Variants in RBFOX1 observed in about 807,000 individuals in gnomAD.
The protein encoded by RBFOX1 is RNA binding fox-1 homolog 1.
In RBFOX1, 8 loss-of-function variants were observed where a neutral mutation model predicts 57.7. That is an observed-to-expected ratio of 0.14 (90% CI 0.08 to 0.25). The LOEUF is 0.25. Ranked by LOEUF, RBFOX1 falls within the 10% of genes least tolerant of loss-of-function variation. RBFOX1 has a pLI of 1.00. For synonymous variants in RBFOX1, 326 were observed against 222.4 expected, an observed-to-expected ratio of 1.47 and a Z score of -4.15; for missense variants, 611 against 548.5, an observed-to-expected ratio of 1.11 and a Z score of -1.14.
At chr16:6,968,700 A>G (rs1371345437) in intron 3 of RBFOX1, among the ~76,000 whole-genome samples, 1 of 151,988 alleles carries the variant, frequency 6.6e-6, no homozygotes, top group African/African-American at 2.4e-5. Flanking sequence ...GAGTACACAT[A>G]CTAACTCCTG....
At chr16:7,040,934 G>T (rs1181741333) in intron 3 of RBFOX1, among the ~76,000 whole-genome samples, 1 of 151,468 alleles carries the variant, frequency 6.6e-6, no homozygotes, top group Non-Finnish European at 1.5e-5. Flanking sequence ...TTGCTGGGGG[G>T]GGAAGGAGTC....
intron 3 of RBFOX1, among the ~76,000 whole-genome samples, chr16:6,963,908 C>T (rs919633211): frequency 2.0e-5 from 3 of 152,106 alleles, no homozygotes; most frequent in Non-Finnish European, 4.4e-5. Context: ...CTGTGTTAGC[C>T]AAGACGGTGT....
chr16:6,991,254 C>T (rs1197787059), intron 3 of RBFOX1, among the ~76,000 whole-genome samples: 1 of 151,356 alleles, frequency 6.6e-6, no homozygotes, highest in Non-Finnish European at 1.5e-5. Flanking sequence ...GAGTTGAGAC[C>T]ATGCCACGTC....
chr16:6,647,470 G>A (rs1250933121), intron 2 of RBFOX1, among the ~76,000 whole-genome samples: 1 of 152,040 alleles, frequency 6.6e-6, no homozygotes, highest in Non-Finnish European at 1.5e-5. Context: ...TTGGTCTTGA[G>A]CCCCTGCCCT....
At chr16:6,751,652 T>C (rs2074948678) in intron 3 of RBFOX1, among the ~76,000 whole-genome samples, 1 of 152,144 alleles carries the variant, frequency 6.6e-6, no homozygotes, top group Non-Finnish European at 1.5e-5. Flanking sequence ...GCCAGTAACA[T>C]TGATTTATTT....
At chr16:6,558,184 G>A (rs2097131252) in intron 2 of RBFOX1, among the ~76,000 whole-genome samples, 1 of 152,174 alleles carries the variant, frequency 6.6e-6, no homozygotes, top group African/African-American at 2.4e-5. Context: ...TAGAGCTGGA[G>A]CGTAACGTGC....
intron 4 of RBFOX1, among the ~76,000 whole-genome samples, chr16:7,466,314 A>C (rs73500324): frequency 0.043 from 6,132 of 142,232 alleles, 399 homozygotes; most frequent in African/African-American, 0.15. Context: ...TTTAATAGAG[A>C]TAATAAAGGT....
chr16:7,302,015 C>T (rs941043361), intron 4 of RBFOX1, among the ~76,000 whole-genome samples: 5 of 152,130 alleles, frequency 3.3e-5, no homozygotes, highest in Non-Finnish European at 7.4e-5. Flanking sequence ...TCTGATGCAA[C>T]GTACAGCAAA....
chr16:5,632,094 G>A (rs966032405), intron 3 of RBFOX1, among the ~76,000 whole-genome samples: 2 of 152,172 alleles, frequency 1.3e-5, no homozygotes, highest in African/African-American at 4.8e-5. Context: ...CCAGAGGAAG[G>A]GCATCTGTGT....
rs11863522 is a variant in RBFOX1, at chr16:5,750,732, G to T, written c.319-116571G>T. 4.6e-3 allele frequency among the ~76,000 whole-genome samples: 697 copies of T among 152,278 alleles called. 6 individuals carry two copies. Among genetic ancestry groups the T allele is most frequent in the African/African-American group, 0.016 (659 of 41,550 alleles). ...GTTGGAAAAGTGCAGTATTAGGGTG[G>T]GAGTGACCCAATTTTCCAGGTGCCG... On this transcript the variant is annotated intron_variant, in intron 3 of 19. Transcript: ENST00000641259.
intron 1 of RBFOX1, among the ~76,000 whole-genome samples, chr16:6,123,287 G>A (rs2096565397): frequency 6.6e-6 from 1 of 152,174 alleles, no homozygotes; most frequent in African/African-American, 2.4e-5. Flanking sequence ...TAAATAAGAT[G>A]TGGTACATAT....
intron 2 of RBFOX1, among the ~76,000 whole-genome samples, chr16:5,577,732 T>C (rs1029280587): frequency 6.6e-6 from 1 of 152,126 alleles, no homozygotes; most frequent in Non-Finnish European, 1.5e-5. Context: ...TGTGCCATGA[T>C]CAAACACGTT....
At chr16:5,507,472 G>C (rs147678913) in intron 2 of RBFOX1, among the ~76,000 whole-genome samples, 33 of 152,250 alleles carry the variant, frequency 2.2e-4, no homozygotes, top group African/African-American at 7.5e-4. Context: ...AGAGCAGGCA[G>C]CTTCCCAGTG....
chr16:7,507,862 C>T (rs530704714), intron 4 of RBFOX1, among the ~76,000 whole-genome samples: 67 of 151,892 alleles, frequency 4.4e-4, no homozygotes, highest in African/African-American at 1.5e-3. Context: ...GGCGCCCGGC[C>T]GGAATCTGTT....
At chr16:6,020,076 G>A in intron 1 of RBFOX1, 84 bp downstream of exon 1, 1 of 1,330,476 alleles carries the variant, frequency 7.5e-7, no homozygotes. Flanking sequence ...GGAAGCGCTA[G>A]GTCCCCGAGA....
chr16:5,668,145 G>T (rs2049905608), intron 3 of RBFOX1, among the ~76,000 whole-genome samples: 1 of 152,112 alleles, frequency 6.6e-6, no homozygotes, highest in Admixed American at 6.6e-5. Flanking sequence ...GCTAGGCATG[G>T]TGGCATGTGC....
At chr16:6,942,937 T>C (rs1255878291) in intron 3 of RBFOX1, among the ~76,000 whole-genome samples, 1 of 152,152 alleles carries the variant, frequency 6.6e-6, no homozygotes, top group Non-Finnish European at 1.5e-5. Flanking sequence ...GCATTGGAGA[T>C]TCGACATCAC....
At chr16:6,792,954 G>A (rs866799736) in intron 3 of RBFOX1, among the ~76,000 whole-genome samples, 11 of 151,704 alleles carry the variant, frequency 7.3e-5, no homozygotes, top group East Asian at 3.9e-4. Context: ...GCTTGAACCC[G>A]TGAGGCAGAG....
At chr16:6,829,851 C>G (rs1312269412) in intron 3 of RBFOX1, among the ~76,000 whole-genome samples, 1 of 152,178 alleles carries the variant, frequency 6.6e-6, no homozygotes, top group Non-Finnish European at 1.5e-5. Flanking sequence ...ATCTGCCTGC[C>G]TTGGCCTCCC....
Sources: gnomAD v4.1 joint callset for allele counts (sites outside exome capture counted in the v4.1 genomes callset) on GRCh38, gnomAD v4.1.1 for gene constraint, MANE v1.5 for transcripts, NCBI Gene and HGNC (gene_info 2026-07-23, HGNC 2026-07-21) for gene names.